Variants in VMP1 observed in about 807,000 individuals in gnomAD.
VMP1 encodes vacuole membrane protein 1.
Under a neutral mutation model 56.0 loss-of-function variants are expected in VMP1, and 11 were observed. The ratio of observed to expected loss-of-function variants is 0.20; its 90% CI spans 0.12 to 0.32. VMP1 has a LOEUF of 0.32. Among genes scored for constraint, VMP1 ranks in the 10% least tolerant of loss-of-function variants. VMP1 has a pLI of 1.00. For missense variants in VMP1, 296 were observed against 490.3 expected (o/e 0.60, Z 3.74); for synonymous variants, 149 against 165.0 (o/e 0.90, Z 0.74).
chr17:59,711,148 C>A (rs530671345), intron 1 of VMP1, among the ~76,000 whole-genome samples: 1 of 151,422 alleles, frequency 6.6e-6, no homozygotes, highest in Admixed American at 6.6e-5. Flanking sequence ...AAAAAAAAAC[C>A]TCCCCAAGCT....
intron 1 of VMP1, among the ~76,000 whole-genome samples, chr17:59,715,449 C>T (rs955534991): frequency 6.6e-6 from 1 of 152,102 alleles, no homozygotes; most frequent in East Asian, 1.9e-4. Context: ...CATCAGATCT[C>T]GTGAGAACTC....
chr17:59,767,476 GA>G (rs903145041), intron 6 of VMP1, among the ~76,000 whole-genome samples: 8 of 151,982 alleles, frequency 5.3e-5, no homozygotes, highest in African/African-American at 1.4e-4. Context: ...GTCTTTTGAT[GA>G]AAAAAATGTT....
intron 6 of VMP1, among the ~76,000 whole-genome samples, chr17:59,772,844 A>G (rs1330707936): frequency 6.6e-6 from 1 of 151,906 alleles, no homozygotes; most frequent in Non-Finnish European, 1.5e-5. Flanking sequence ...CAATTTGTTA[A>G]AAGTTTTAAC....
At position 59,731,360 on chromosome 17, in the gene VMP1, C is replaced by T. The variant is rs1476892248; in HGVS notation, c.-26-61C>T. On this transcript the variant is annotated intron_variant, in intron 1 of 11. Coordinates refer to ENST00000262291, the MANE Select transcript of VMP1 (RefSeq NM_030938.5). ...TGTTATTCCTGTATTCAGTTTTATT[C>T]AGTCACAGCTACACAGCAGAAGTTT... 4 of 966,698 alleles carry T rather than the reference C, an allele frequency of 4.1e-6. No individual in the cohort carries two copies. In the Admixed American group the frequency reaches 8.1e-5, roughly 20 times the overall value. 59.9% of individuals were successfully genotyped at this position (966,698 alleles called of 1,614,324 possible).
intron 7 of VMP1, among the ~76,000 whole-genome samples, chr17:59,782,992 G>A (rs1182216257): frequency 2.0e-5 from 3 of 152,038 alleles, no homozygotes; most frequent in Admixed American, 6.5e-5. Flanking sequence ...TCAGGACATC[G>A]AGACCATCCT....
At chr17:59,830,833 G>C (rs976194313) in intron 10 of VMP1, among the ~76,000 whole-genome samples, 4 of 152,084 alleles carry the variant, frequency 2.6e-5, no homozygotes, top group African/African-American at 7.2e-5. Flanking sequence ...TTTTTTGTTG[G>C]TGTTTTAAGA....
intron 10 of VMP1, among the ~76,000 whole-genome samples, chr17:59,832,910 C>T (rs1158664927): frequency 4.6e-5 from 7 of 151,788 alleles, no homozygotes; most frequent in African/African-American, 1.2e-4. Flanking sequence ...CATGCCCGGC[C>T]GAAATGGTAA....
At chr17:59,804,431 C>T (rs1292238175) in intron 7 of VMP1, among the ~76,000 whole-genome samples, 1 of 151,616 alleles carries the variant, frequency 6.6e-6, no homozygotes, top group African/African-American at 2.4e-5. Context: ...CTGGGCAACA[C>T]GGTGAAACTC....
At chr17:59,787,786 A>G (rs1036056496) in intron 7 of VMP1, among the ~76,000 whole-genome samples, 1 of 152,228 alleles carries the variant, frequency 6.6e-6, no homozygotes, top group Admixed American at 6.5e-5. Flanking sequence ...GTGCCACTAC[A>G]CTCCAGCCTG....
chr17:59,821,988 G>A (rs1280172014), intron 10 of VMP1, among the ~76,000 whole-genome samples: 8 of 151,940 alleles, frequency 5.3e-5, no homozygotes, highest in African/African-American at 7.3e-5. Context: ...GATTACAGGC[G>A]TGCACCACCA....
intron 10 of VMP1, among the ~76,000 whole-genome samples, chr17:59,821,049 G>C (rs893899554): frequency 2.0e-5 from 3 of 150,450 alleles, no homozygotes; most frequent in Admixed American, 6.6e-5. Flanking sequence ...TGGCTCACTG[G>C]AAGCTCCGCC....
At chr17:59,757,889 CAG>C (rs1221200859) in intron 5 of VMP1, among the ~76,000 whole-genome samples, 2 of 53,516 alleles carry the variant, frequency 3.7e-5, no homozygotes, top group Non-Finnish European at 4.0e-5. Context: ...TTTTTTAAGA[CAG>C]GGTCTCATTC....
At chr17:59,818,881 T>G (rs1410748113) in intron 10 of VMP1, among the ~76,000 whole-genome samples, 1 of 152,214 alleles carries the variant, frequency 6.6e-6, no homozygotes, top group Non-Finnish European at 1.5e-5. Context: ...AAGTGCCCTT[T>G]GTTTAGTTTT....
Position 59,738,849 on chromosome 17 carries a change from A to G in VMP1, c.316A>G (p.Ile106Val), listed in dbSNP as rs2035108636. ...EGVHQQYVQRIEKQFLLYAYW... is the reference protein window; with the variant it reads ...EGVHQQYVQRVEKQFLLYAYW... The stretch of plus-strand genomic sequence containing the variant: ...CCCTTTTTTTCAGTATGTGCAACGT[A>G]TAGAGAAACAGTTTCTTTTGTATGC... The change falls in exon 5 of 12, where the codon ATA becomes GTA. Residue 106 changes from isoleucine to valine, a missense_variant. Transcript: ENST00000262291. 1.2e-6 allele frequency: 2 copies of G among 1,612,264 alleles called. No homozygotes were observed. The highest frequency in any genetic ancestry group is 2.2e-5 in the South Asian group (2 of 90,742).
At chr17:59,727,435 T>TTAA (rs2034653571) in intron 1 of VMP1, among the ~76,000 whole-genome samples, 1 of 152,144 alleles carries the variant, frequency 6.6e-6, no homozygotes, top group Non-Finnish European at 1.5e-5. Context: ...TGCCTGGCCC[T>TTAA]GTTAGACTCT....
In VMP1 at chr17:59,765,152, T is replaced by C. The variant is rs762119640; in HGVS notation, c.582+14T>C. 6 of 1,610,870 alleles carry C rather than the reference T, an allele frequency of 3.7e-6. No individual in the cohort carries two copies. In the African/African-American group the frequency reaches 5.4e-5, roughly 14 times the overall value. On this transcript the variant is annotated intron_variant, in intron 6 of 11. Coordinates refer to ENST00000262291, the MANE Select transcript of VMP1 (RefSeq NM_030938.5). ...GCCTGCATGTGGGTAAGATATGCAT[T>C]TTCATATTTGTTTAAAACTAACCTC...
chr17:59,730,153 A>G (rs2034770829), intron 1 of VMP1: 1 of 152,126 alleles, frequency 6.6e-6, no homozygotes, highest in Admixed American at 6.6e-5. Flanking sequence ...TCCGTTTATT[A>G]ATTGGATTAT....
chr17:59,783,919 C>T (rs1221708068), intron 7 of VMP1, among the ~76,000 whole-genome samples: 1 of 152,088 alleles, frequency 6.6e-6, no homozygotes, highest in Non-Finnish European at 1.5e-5. Flanking sequence ...CATTGCTGCT[C>T]AAAAATCTGT....
intron 2 of VMP1, among the ~76,000 whole-genome samples, chr17:59,732,704 C>A (rs1042502246): frequency 3.9e-5 from 6 of 152,138 alleles, no homozygotes; most frequent in African/African-American, 1.4e-4. Context: ...CCATTAGGAG[C>A]TTTTGTGTGC....
Sources: allele counts gnomAD v4.1 joint callset (sites outside exome capture counted in the v4.1 genomes callset), GRCh38; gene constraint gnomAD v4.1.1; transcripts MANE v1.5; gene names NCBI Gene and HGNC (gene_info 2026-07-23, HGNC 2026-07-21).